The following CSMD1 variants were observed in gnomAD, a reference collection of about 807,000 sequenced individuals.
The protein encoded by CSMD1 is CUB and Sushi multiple domains 1.
CSMD1 carries 213 observed loss-of-function variants against 417.5 expected under a neutral mutation model. The ratio of observed to expected loss-of-function variants is 0.51; its 90% confidence interval spans 0.46 to 0.57. CSMD1 has a LOEUF of 0.57. CSMD1 is among the 20% of genes least tolerant of loss of function. CSMD1 has a pLI of 0.00. For synonymous variants in CSMD1, 2,862 were observed against 1,736.8 expected (o/e 1.65, Z -16.11); for missense variants, 6,923 against 4,529.7 (o/e 1.53, Z -15.17).
chr8:3,752,866 A>C (rs915099216), intron 6 of CSMD1, among the ~76,000 whole-genome samples: 2 of 152,020 alleles, frequency 1.3e-5, no homozygotes, highest in African/African-American at 4.8e-5. Flanking sequence ...TTGTTTCTCT[A>C]CTGGTCATCC....
At chr8:4,580,030 G>C (rs918648251) in intron 2 of CSMD1, among the ~76,000 whole-genome samples, 1 of 152,128 alleles carries the variant, frequency 6.6e-6, no homozygotes, top group Non-Finnish European at 1.5e-5. Context: ...CTTTATAGTA[G>C]TAACTGTGAC....
At chr8:3,293,314 T>C (rs1253127880) in intron 25 of CSMD1, among the ~76,000 whole-genome samples, 1 of 152,150 alleles carries the variant, frequency 6.6e-6, no homozygotes, top group East Asian at 1.9e-4. Flanking sequence ...TTTGAGTTGC[T>C]CTTCTCGAGG....
intron 4 of CSMD1, among the ~76,000 whole-genome samples, chr8:4,018,313 C>A (rs1796620039): frequency 6.6e-6 from 1 of 151,996 alleles, no homozygotes; most frequent in South Asian, 2.1e-4. Context: ...CCATTTTTAT[C>A]AAGGCCTGGC....
intron 5 of CSMD1, among the ~76,000 whole-genome samples, chr8:3,819,720 G>C (rs114483924): frequency 0.018 from 2,776 of 152,200 alleles, 92 homozygotes; most frequent in African/African-American, 0.063. Context: ...CTGGGGAACT[G>C]GGACCACAGG....
rs138064506 is a variant in CSMD1 at position 3,215,956 on chromosome 8, G to A, written c.4673-1265C>T. Among the ~76,000 whole-genome samples, 466 of 150,250 alleles carry A rather than the reference G, an allele frequency of 3.1e-3. 2 individuals are homozygous for A. Among genetic ancestry groups the A allele is most frequent in the African/African-American group, 0.01 (431 of 41,162 alleles). ...TTTGGTGATCATTGACTTAATCATC[G>A]TATACATTATATAAAGAATCTATTA... On this transcript the variant is annotated intron_variant, in intron 29 of 69. Transcript: ENST00000635120.
chr8:4,926,374 T>C (rs1806874499), intron 1 of CSMD1, among the ~76,000 whole-genome samples: 2 of 152,200 alleles, frequency 1.3e-5, no homozygotes, highest in South Asian at 4.1e-4. Flanking sequence ...TCTTTATCTT[T>C]ACGATATTTT....
chr8:3,657,673 C>T (rs1480444038), intron 7 of CSMD1, among the ~76,000 whole-genome samples: 1 of 152,062 alleles, frequency 6.6e-6, no homozygotes, highest in Non-Finnish European at 1.5e-5. Flanking sequence ...AGGAAGGGAA[C>T]ATCACACACC....
At chr8:4,647,397 CTGTT>C (rs1393225557) in intron 1 of CSMD1, among the ~76,000 whole-genome samples, 1 of 145,598 alleles carries the variant, frequency 6.9e-6, no homozygotes, top group Non-Finnish European at 1.5e-5. Context: ...CCACGGAGGT[CTGTT>C]AGGTAGGTAC....
At chr8:4,920,866 G>C (rs941995902) in intron 1 of CSMD1, among the ~76,000 whole-genome samples, 1 of 5,734 alleles carries the variant, frequency 1.7e-4, no homozygotes, top group Non-Finnish European at 4.8e-4. Context: ...GAAAAGAAAA[G>C]AAAAGAAAAG....
At chr8:4,840,020 C>G (rs1439637252) in intron 1 of CSMD1, among the ~76,000 whole-genome samples, 1 of 152,120 alleles carries the variant, frequency 6.6e-6, no homozygotes, top group Non-Finnish European at 1.5e-5. Flanking sequence ...CCTGCATGCA[C>G]AAAAGCCTGG....
chr8:4,086,072 T>C (rs909499997), intron 3 of CSMD1, among the ~76,000 whole-genome samples: 3 of 152,186 alleles, frequency 2.0e-5, no homozygotes, highest in African/African-American at 7.2e-5. Flanking sequence ...AACAAACGTA[T>C]TTTTTCCATA....
At chr8:4,131,756 C>CTTTTTTTT (rs10650865) in intron 3 of CSMD1, among the ~76,000 whole-genome samples, 32 of 87,434 alleles carry the variant, frequency 3.7e-4, no homozygotes, top group South Asian at 4.7e-4. Context: ...ACAAATGTGA[C>CTTTTTTTT]TTTTTTTTTT....
At chr8:3,492,252 A>C (rs1818425890) in intron 11 of CSMD1, among the ~76,000 whole-genome samples, 1 of 152,126 alleles carries the variant, frequency 6.6e-6, no homozygotes, top group African/African-American at 2.4e-5. Flanking sequence ...CATGCCGCTG[A>C]GCTCTTCTGC....
intron 2 of CSMD1, among the ~76,000 whole-genome samples, chr8:4,544,213 T>G (rs1362682530): frequency 6.6e-6 from 1 of 152,190 alleles, no homozygotes; most frequent in African/African-American, 2.4e-5. Flanking sequence ...CTGAGTTTCC[T>G]CCTTTGTCAT....
At chr8:3,879,780 A>G (rs73493865) in intron 5 of CSMD1, among the ~76,000 whole-genome samples, 2,565 of 152,196 alleles carry the variant, frequency 0.017, 71 homozygotes, top group African/African-American at 0.056. Context: ...CATTGCTTTC[A>G]GCTTCAGATA....
At chr8:4,457,277 T>C (rs1219715087) in intron 2 of CSMD1, among the ~76,000 whole-genome samples, 2 of 152,166 alleles carry the variant, frequency 1.3e-5, no homozygotes, top group African/African-American at 2.4e-5. Context: ...CTTACTTACA[T>C]ATATCATTTG....
chr8:4,761,836 C>CATCTATCT (rs72078338), intron 1 of CSMD1, among the ~76,000 whole-genome samples: 2,345 of 119,092 alleles, frequency 0.02, 47 homozygotes, highest in East Asian at 0.026. Context: ...TAGTACCATG[C>CATCTATCT]ATCTATCTAT....
At chr8:3,505,138 G>T (rs1796770435) in intron 10 of CSMD1, among the ~76,000 whole-genome samples, 1 of 152,108 alleles carries the variant, frequency 6.6e-6, no homozygotes, top group Non-Finnish European at 1.5e-5. Context: ...GTAAATTATT[G>T]AAATCTGCCC....
At chr8:4,441,753 T>G (rs968633909) in intron 2 of CSMD1, among the ~76,000 whole-genome samples, 8 of 152,188 alleles carry the variant, frequency 5.3e-5, no homozygotes, top group Admixed American at 3.9e-4. Context: ...AATATTGCAT[T>G]GCAGTCCATT....
Sources: allele counts gnomAD v4.1 joint callset (sites outside exome capture counted in the v4.1 genomes callset), GRCh38; gene constraint gnomAD v4.1.1; transcripts MANE v1.5; gene names NCBI Gene and HGNC (gene_info 2026-07-23, HGNC 2026-07-21).